Variants in RGS6 observed in about 807,000 individuals in gnomAD.
RGS6 encodes the protein regulator of G protein signaling 6.
Under a neutral mutation model 78.5 loss-of-function variants are expected in RGS6, and 30 were observed. The ratio of observed to expected loss-of-function variants is 0.38; its 90% CI spans 0.29 to 0.52. RGS6 has a LOEUF of 0.52. RGS6 is among the 20% of genes least tolerant of loss of function. RGS6 has a pLI of 0.85. For synonymous variants in RGS6, 206 were observed against 206.0 expected (o/e 1.00, Z 0.00); for missense variants, 495 against 609.7 (o/e 0.81, Z 1.98).
chr14:72,299,425 A>G (rs537017916), intron 2 of RGS6, among the ~76,000 whole-genome samples: 2 of 152,338 alleles, frequency 1.3e-5, no homozygotes, highest in South Asian at 2.1e-4. Context: ...AAGGTTTACT[A>G]TGCTGCTGTT....
At chr14:72,242,245 G>A (rs1365288167) in intron 2 of RGS6, among the ~76,000 whole-genome samples, 1 of 152,150 alleles carries the variant, frequency 6.6e-6, no homozygotes, top group East Asian at 1.9e-4. Flanking sequence ...GATTCAGGGG[G>A]AAGGCATGAA....
chr14:72,287,329 T>C (rs1179914027), intron 2 of RGS6, among the ~76,000 whole-genome samples: 1 of 152,242 alleles, frequency 6.6e-6, no homozygotes, highest in Non-Finnish European at 1.5e-5. Context: ...GGATTAGGAC[T>C]TTCAGTAGTA....
At chr14:72,138,449 G>GTTTTTTTTTTTTTTTT (rs71448384) in intron 2 of RGS6, among the ~76,000 whole-genome samples, 1 of 86,648 alleles carries the variant, frequency 1.2e-5, no homozygotes. Flanking sequence ...ACCTGTACCT[G>GTTTTTTTTTTTTTTTT]TTTTTTTTTT....
chr14:72,098,948 T>C (rs1400268570), intron 2 of RGS6, among the ~76,000 whole-genome samples: 1 of 152,190 alleles, frequency 6.6e-6, no homozygotes, highest in South Asian at 2.1e-4. Flanking sequence ...CGGATTTCTT[T>C]CTTATTGTGC....
chr14:72,123,320 G>C (rs917563631), intron 2 of RGS6, among the ~76,000 whole-genome samples: 1 of 152,138 alleles, frequency 6.6e-6, no homozygotes. Flanking sequence ...AACAAGTTAG[G>C]ATGCAGGAAT....
chr14:72,313,611 A>G (rs1320761463), intron 2 of RGS6, among the ~76,000 whole-genome samples: 2 of 152,074 alleles, frequency 1.3e-5, no homozygotes, highest in Non-Finnish European at 2.9e-5. Flanking sequence ...GAGCCAAGTG[A>G]TTAAGAGAAG....
chr14:72,550,431 C>T (rs2097488053), intron 17 of RGS6: 4 of 1,524,702 alleles, frequency 2.6e-6, no homozygotes, highest in East Asian at 2.4e-5. Flanking sequence ...GCACCAAGTA[C>T]ATCTGAGCCC....
chr14:72,191,377 G>A (rs1374890362), intron 2 of RGS6, among the ~76,000 whole-genome samples: 3 of 152,300 alleles, frequency 2.0e-5, no homozygotes, highest in South Asian at 2.1e-4. Flanking sequence ...TGGCCTCAAC[G>A]TAACTCCCTT....
At chr14:72,593,095 C>G in the RGS6 span, among the ~76,000 whole-genome samples, 1 of 152,080 alleles carries the variant, frequency 6.6e-6, no homozygotes, top group Non-Finnish European at 1.5e-5. Flanking sequence ...AGTGGCCATC[C>G]TTGACAAGGA....
At chr14:72,219,197 A>G (rs576045693) in intron 2 of RGS6, among the ~76,000 whole-genome samples, 2 of 152,208 alleles carry the variant, frequency 1.3e-5, no homozygotes, top group South Asian at 4.2e-4. Flanking sequence ...TTCTGCCTGG[A>G]CTGGGAACAT....
chr14:72,190,539 A>C (rs985208696), intron 2 of RGS6, among the ~76,000 whole-genome samples: 1 of 152,114 alleles, frequency 6.6e-6, no homozygotes, highest in Non-Finnish European at 1.5e-5. Context: ...GGGCAGTGGA[A>C]AGTCACTGGG....
chr14:72,052,850 G>A (rs985504171), intron 2 of RGS6, among the ~76,000 whole-genome samples: 41 of 151,764 alleles, frequency 2.7e-4, no homozygotes, highest in African/African-American at 9.2e-4. Flanking sequence ...GTGTGGATCC[G>A]ATTTCAGACC....
rs370519750 is a variant in RGS6 at position 72,189,191 on chromosome 14, T to A, written c.85-162904T>A. Among the ~76,000 whole-genome samples the A allele has an allele frequency of 4.6e-5, 7 of 152,322 alleles. No individual in the cohort carries two copies. The South Asian group carries it at 1.4e-3, about 32-fold the overall frequency. ...AATATTAAACAATTGAGTGTGGCTG[T>A]GTTCCTATAAAACCTTATTTACAAA... On this transcript the variant is annotated intron_variant, in intron 2 of 17. Transcript: ENST00000553525.
intron 2 of RGS6, among the ~76,000 whole-genome samples, chr14:72,012,203 T>A (rs907395297): frequency 1.3e-5 from 2 of 152,188 alleles, no homozygotes; most frequent in Non-Finnish European, 2.9e-5. Context: ...TAGAGAACAT[T>A]TAAAAAAAAT....
chr14:72,488,394 C>T (rs556614073), intron 12 of RGS6, among the ~76,000 whole-genome samples: 3 of 152,282 alleles, frequency 2.0e-5, no homozygotes, highest in Non-Finnish European at 2.9e-5. Flanking sequence ...ATTTTTTGCT[C>T]TTATGTTGGG....
chr14:72,200,573 G>A (rs1442666738), intron 2 of RGS6, among the ~76,000 whole-genome samples: 1 of 152,044 alleles, frequency 6.6e-6, no homozygotes, highest in Non-Finnish European at 1.5e-5. Context: ...GGGATGAGGG[G>A]GCAGCACAGG....
downstream of RGS6, among the ~76,000 whole-genome samples, chr14:72,570,453 G>C (rs1175144027): frequency 6.6e-6 from 1 of 152,186 alleles, no homozygotes. Context: ...GCACAAAGGG[G>C]TAATGGAATT....
chr14:72,132,675 G>T (rs1185134149), intron 2 of RGS6, among the ~76,000 whole-genome samples: 1 of 151,740 alleles, frequency 6.6e-6, no homozygotes. Context: ...CGGATAATTA[G>T]GAAATTCAGC....
rs369775768 is a variant in RGS6, at chr14:72,060,267, A to C, written c.84+95392A>C. On this transcript the variant is annotated intron_variant, in intron 2 of 17. Coordinates refer to ENST00000553525, the MANE Select transcript of RGS6 (RefSeq NM_001204424.2). ...CTCTGTAATAGTTATTTTGTATGTT[A>C]TATAAATAATTTCCCTGCAAGTATT... Among the ~76,000 whole-genome samples, 102 of 152,238 alleles carry C rather than the reference A, an allele frequency of 6.7e-4. 3 individuals are homozygous for C. In the South Asian group the frequency reaches 0.02, roughly 30 times the overall value.
Sources: gnomAD v4.1 joint callset for allele counts (sites outside exome capture counted in the v4.1 genomes callset) on GRCh38, gnomAD v4.1.1 for gene constraint, MANE v1.5 for transcripts, NCBI Gene and HGNC (gene_info 2026-07-23, HGNC 2026-07-21) for gene names.